Variants in SPTBN4 observed in about 807,000 individuals in gnomAD.
SPTBN4 encodes the protein spectrin beta chain, non-erythrocytic 4.
SPTBN4 carries 96 observed loss-of-function variants against 277.8 expected under a neutral mutation model. The observed-to-expected ratio is 0.35, with a 90% CI of 0.29 to 0.41. The LOEUF (loss-of-function observed/expected upper bound fraction) is 0.41. Among genes scored for constraint, SPTBN4 ranks in the 10% least tolerant of loss-of-function variants. The pLI is 1.00. For synonymous variants in SPTBN4, 1,481 were observed against 1,580.3 expected (o/e 0.94, Z 1.49); for missense variants, 3,006 against 3,595.7 (o/e 0.84, Z 4.19).
At chr19:40,474,551 TC>T (rs1349182709) in intron 2 of SPTBN4, among the ~76,000 whole-genome samples, 17 of 151,342 alleles carry the variant, frequency 1.1e-4, no homozygotes, top group African/African-American at 3.4e-4. Context: ...CACCTCAGCC[TC>T]CTGAATAGCT....
chr19:40,570,806 G>A lies in SPTBN4; in HGVS notation c.7319+78G>A, dbSNP rs544547878. On this transcript the variant is annotated intron_variant, in intron 33 of 35. Transcript: ENST00000598249. ...TTGCGTGGAGCGGTGGGACTGAGGA[G>A]GGGGTGTGGCTCAACTTCAGGCCCT... is the stretch of plus-strand genomic sequence containing the variant. 11 of 1,473,460 alleles carry A rather than the reference G, an allele frequency of 7.5e-6. No individual in the cohort carries two copies. In the East Asian group the frequency reaches 1.9e-4, roughly 25 times the overall value. The allele number at this position is 1,473,460 out of a possible 1,614,324, so 91.3% of individuals were successfully genotyped here.
At chr19:40,549,157 G>T in intron 20 of SPTBN4, 32 bp from the exon 21 acceptor site, 1 of 1,509,388 alleles carries the variant, frequency 6.6e-7, no homozygotes, top group Non-Finnish European at 8.9e-7. Context: ...GAGGGCGGGT[G>T]GGGCCCATTG....
In SPTBN4 at chr19:40,512,654, T is replaced by G. The variant is rs1391337936; in HGVS notation, c.1865T>G (p.Val622Gly). 4 of 1,541,034 alleles carry G rather than the reference T, an allele frequency of 2.6e-6. No individual in the cohort carries two copies. Among genetic ancestry groups the G allele is most frequent in the Non-Finnish European group, 3.5e-6 (4 of 1,150,964 alleles). The change falls in exon 14 of 36, where the codon GTG becomes GGG. Residue 622 changes from valine to glycine, a missense_variant. Physicochemically the swap from Val to Gly is moderately radical, Grantham distance 109. Coordinates refer to ENST00000598249, the MANE Select transcript of SPTBN4 (RefSeq NM_020971.3). ...PQVICNRVNH[V>G]HGCLAELQEQ... The stretch of plus-strand genomic sequence containing the variant: ...GTCATCTGCAACCGCGTGAACCACG[T>G]GCACGGCTGCCTGGCGGAGCTGCAG...
At chr19:40,549,117 A>G (rs2080888166) in intron 20 of SPTBN4, 72 bp from the exon 21 acceptor site, 1 of 1,296,538 alleles carries the variant, frequency 7.7e-7, no homozygotes, top group African/African-American at 1.5e-5. Flanking sequence ...CTGTCACCAT[A>G]AGGGTACTGG....
In SPTBN4 at chr19:40,554,438, T is replaced by TGG; in HGVS notation, c.4953+17_4953+18dup. 1 of 1,543,076 alleles carries TGG rather than the reference T, an allele frequency of 6.5e-7. No homozygotes were observed. Among genetic ancestry groups the TGG allele is most frequent in the Non-Finnish European group, 8.8e-7 (1 of 1,141,262 alleles). ...GGACAAGGGCAAGGTGCGCCCGAGC[T>TGG]GGGGGTGCGGAGGGCCTGGGGGCGC... is the stretch of plus-strand genomic sequence containing the variant. On this transcript the variant is annotated intron_variant, in intron 23 of 35. Coordinates refer to ENST00000598249, the MANE Select transcript of SPTBN4 (RefSeq NM_020971.3). This position sits in a 1 kb window ranked among gnomAD's most constrained non-coding sequence, Gnocchi z 5.7.
In SPTBN4 at chr19:40,512,912, T is replaced by C; in HGVS notation, c.2123T>C (p.Leu708Pro). 4.2e-6 allele frequency: 6 copies of C among 1,427,244 alleles called. No individual in the cohort carries two copies. Among genetic ancestry groups the C allele is most frequent in the Non-Finnish European group, 4.5e-6 (5 of 1,101,426 alleles). The allele number at this position is 1,427,244 out of a possible 1,614,324, so 88.4% of individuals were successfully genotyped here. The change falls in exon 14 of 36, where the codon CTG (leucine) becomes CCG (proline). Residue 708 changes from leucine (L) to proline (P), a missense_variant. This residue lies in a region of SPTBN4 where 1,759 missense variants were observed against 2,061.5 expected (regional missense o/e 0.85). Coordinates refer to ENST00000598249, the MANE Select transcript of SPTBN4 (RefSeq NM_020971.3). ...LAQHKILQGELGGRRALLQQA... is the reference protein window; with the variant it reads ...LAQHKILQGEPGGRRALLQQA... ...CAGCACAAGATCCTGCAGGGCGAGCTGGGCGGGCGGCGAGCGTTGCTGCAG... is the reference window on the plus strand; with the variant it reads ...CAGCACAAGATCCTGCAGGGCGAGCCGGGCGGGCGGCGAGCGTTGCTGCAG...
chr19:40,514,354 G>T (rs1036506593), intron 14 of SPTBN4, among the ~76,000 whole-genome samples: 1 of 152,218 alleles, frequency 6.6e-6, no homozygotes, highest in African/African-American at 2.4e-5. Context: ...GACCTCAGTG[G>T]CTGCCATGTG....
At position 40,494,938 on chromosome 19, in the gene SPTBN4, G is replaced by A. The variant is rs200774381; in HGVS notation, c.629G>A (p.Arg210Gln). Reference sequence around the variant, plus strand: ...ATCCAGAATTTCACCACCAGCTGGCGGGATGGCTTGGCCTTCAATGCCCTC... The same window carrying A: ...ATCCAGAATTTCACCACCAGCTGGCAGGATGGCTTGGCCTTCAATGCCCTC... ...VNIQNFTTSW[R>Q]DGLAFNALIH... The change falls in exon 6 of 36, where the codon CGG becomes CAG. Residue 210 changes from arginine (R) to glutamine (Q), a missense_variant. Around this residue, in one of 5 missense-constraint regions of SPTBN4, gnomAD observed 1,759 missense variants for 2,061.5 expected, o/e 0.85. Transcript: ENST00000598249. The A allele has an allele frequency of 2.0e-5, 33 of 1,614,108 alleles. No homozygotes were observed. The highest frequency in any genetic ancestry group is 2.8e-5 in the Non-Finnish European group (33 of 1,180,018).
Position 40,554,429 on chromosome 19 carries a change from C to T in SPTBN4, c.4953+4C>T. On this transcript the variant is annotated splice_donor_region_variant and intron_variant, in intron 23 of 35. Transcript: ENST00000598249. This position sits in a 1 kb window ranked among gnomAD's most constrained non-coding sequence, Gnocchi z 5.7. ...GATGAGTGAGGACAAGGGCAAGGTG[C>T]GCCCGAGCTGGGGGTGCGGAGGGCC... 2 of 1,550,704 alleles carry T rather than the reference C, an allele frequency of 1.3e-6. No homozygotes were observed. Among genetic ancestry groups the T allele is most frequent in the Non-Finnish European group, 1.7e-6 (2 of 1,145,590 alleles).
intron 6 of SPTBN4, among the ~76,000 whole-genome samples, chr19:40,497,044 GC>G (rs2080205683): frequency 7.4e-6 from 1 of 135,584 alleles, no homozygotes; most frequent in South Asian, 2.3e-4. Context: ...CTGCACTCCA[GC>G]CTGGGTGACA....
chr19:40,569,806 C>A, intron 32 of SPTBN4, 80 bp downstream of exon 32: 1 of 1,394,396 alleles, frequency 7.2e-7, no homozygotes, highest in South Asian at 1.3e-5. Context: ...ACAGCCAGTG[C>A]CTAGCCCTGG....
chr19:40,573,449 T>C (rs1285665032), intron 35 of SPTBN4, among the ~76,000 whole-genome samples: 1 of 152,182 alleles, frequency 6.6e-6, no homozygotes, highest in Non-Finnish European at 1.5e-5. Flanking sequence ...AGGAGATAGG[T>C]GTCTCAGGAC....
chr19:40,562,235 T>C (rs2081049536), intron 27 of SPTBN4, among the ~76,000 whole-genome samples: 1 of 151,974 alleles, frequency 6.6e-6, no homozygotes, highest in East Asian at 1.9e-4. Flanking sequence ...GATGTGTACA[T>C]TTGAGAAAAA....
chr19:40,492,108 CA>C lies in SPTBN4; in HGVS notation c.496-854del, dbSNP rs201178941. Among the ~76,000 whole-genome samples, 298 of 151,844 alleles carry C rather than the reference CA, an allele frequency of 2.0e-3. 1 individual carries two copies. The highest frequency in any genetic ancestry group is 6.7e-3 in the African/African-American group (277 of 41,412). The stretch of plus-strand genomic sequence containing the variant: ...TCACCAACATTGGGAGCTGAGAGCC[CA>C]GGGAGGAGGATAGAGTTGGACCAGG... On this transcript the variant is annotated intron_variant, in intron 4 of 35. Coordinates refer to ENST00000598249, the MANE Select transcript of SPTBN4 (RefSeq NM_020971.3).
At position 40,523,491 on chromosome 19, in the gene SPTBN4, G is replaced by C. The variant is rs1273991058; in HGVS notation, c.3709G>C (p.Ala1237Pro). Residue 1237 changes from alanine (A) to proline (P), a missense_variant, in exon 17 of 36, where the codon GCC becomes CCC. By Grantham distance (27) the Ala-to-Pro change is conservative. Around this residue, in one of 5 missense-constraint regions of SPTBN4, gnomAD observed 1,759 missense variants for 2,061.5 expected, o/e 0.85. Coordinates refer to ENST00000598249, the MANE Select transcript of SPTBN4 (RefSeq NM_020971.3). ...GGGCACAGTGGAATCGGTGGAGGAGGCCTTGAAACAGCACCGTGACTTTCT... is the reference window on the plus strand; with the variant it reads ...GGGCACAGTGGAATCGGTGGAGGAGCCCTTGAAACAGCACCGTGACTTTCT... Reference protein sequence around the residue: ...LPGTVESVEEALKQHRDFLTT... With the variant: ...LPGTVESVEEPLKQHRDFLTT... 4.3e-6 allele frequency: 7 copies of C among 1,613,690 alleles called. No individual in the cohort carries two copies.
chr19:40,565,076 C>T (rs1383167422), intron 27 of SPTBN4, among the ~76,000 whole-genome samples: 1 of 151,588 alleles, frequency 6.6e-6, no homozygotes, highest in Non-Finnish European at 1.5e-5. Flanking sequence ...ACCAGCCTGG[C>T]CAACATGGAG....
At chr19:40,574,448 A>G (rs1005311847) in intron 35 of SPTBN4, among the ~76,000 whole-genome samples, 22 of 149,434 alleles carry the variant, frequency 1.5e-4, no homozygotes, top group Middle Eastern at 3.5e-3. Context: ...TGCAACCTCC[A>G]CTTCCCGGGT....
rs58438723 is a variant in SPTBN4 at position 40,543,835 on chromosome 19, A to C, written c.4360-5354A>C. Among the ~76,000 whole-genome samples the C allele has an allele frequency of 5.3e-3, 812 of 152,298 alleles. 7 individuals are homozygous for C. Among genetic ancestry groups the C allele is most frequent in the African/African-American group, 0.019 (782 of 41,556 alleles). ...CATCTAGACCTCTTTCTGTGCATTT[A>C]CAAGTGTACCTATATGGATGTTTAA... On this transcript the variant is annotated intron_variant, in intron 20 of 35. Transcript: ENST00000598249.
At position 40,554,827 on chromosome 19, in the gene SPTBN4, T is replaced by C; in HGVS notation, c.5084+181T>C. The C allele has an allele frequency of 1.1e-6, 1 of 902,136 alleles. No individual in the cohort carries two copies. Among genetic ancestry groups the C allele is most frequent in the Non-Finnish European group, 1.7e-6 (1 of 600,966 alleles). 55.9% of individuals were successfully genotyped at this position (902,136 alleles called of 1,614,324 possible). A position where few individuals can be genotyped will look rare whatever the true frequency, so the allele number is the denominator to read the frequency against. Reference sequence around the variant, plus strand: ...ATGGGGGGACACGGCTCAGGGATGGTTGAGAGGGTGGGGCCAGGAGCACCT... The same window carrying C: ...ATGGGGGGACACGGCTCAGGGATGGCTGAGAGGGTGGGGCCAGGAGCACCT... On this transcript the variant is annotated intron_variant, in intron 24 of 35. Transcript: ENST00000598249. The surrounding 1 kb of genome is among the most constrained non-coding windows in gnomAD (Gnocchi z 5.7).
Sources: gnomAD v4.1 joint callset for allele counts (sites outside exome capture counted in the v4.1 genomes callset) on GRCh38, gnomAD v4.1.1 for gene constraint, gnomAD v4.1.1 regional missense constraint, Gnocchi (gnomAD v3.1) non-coding constraint, MANE v1.5 for transcripts, NCBI Gene and HGNC (gene_info 2026-07-23, HGNC 2026-07-21) for gene names.